BMPR1B: variants seen among roughly 807,000 people sequenced by gnomAD.
BMPR1B encodes the protein bone morphogenetic protein receptor type 1B.
BMPR1B carries 12 observed loss-of-function variants against 59.1 expected under a neutral mutation model. That is an observed-to-expected ratio of 0.20 (90% CI 0.13 to 0.33). The LOEUF (loss-of-function observed/expected upper bound fraction) is 0.33, where lower values mean the gene tolerates loss of function less well. BMPR1B is among the 10% of genes least tolerant of loss of function. BMPR1B has a pLI of 1.00. For synonymous variants in BMPR1B, 237 were observed against 207.3 expected (o/e 1.14, Z -1.23); for missense variants, 550 against 610.9 (o/e 0.90, Z 1.05).
chr4:94,763,181 A>G (rs1208012159), intron 1 of BMPR1B, among the ~76,000 whole-genome samples: 1 of 152,174 alleles, frequency 6.6e-6, no homozygotes, highest in African/African-American at 2.4e-5. Flanking sequence ...CATTTTCAGT[A>G]AAGTGTGTCA....
At chr4:95,023,292 T>C (rs1373331799) in intron 3 of BMPR1B, among the ~76,000 whole-genome samples, 1 of 152,236 alleles carries the variant, frequency 6.6e-6, no homozygotes, top group Non-Finnish European at 1.5e-5. Context: ...TAAATGTATA[T>C]GTTCTTTCCA....
intron 2 of BMPR1B, among the ~76,000 whole-genome samples, chr4:94,876,964 A>C (rs1484462930): frequency 6.6e-6 from 1 of 152,212 alleles, no homozygotes; most frequent in African/African-American, 2.4e-5. Flanking sequence ...CCATATTAAA[A>C]GATGGTAGCA....
intron 1 of BMPR1B, among the ~76,000 whole-genome samples, chr4:94,797,360 A>G (rs986295770): frequency 6.6e-6 from 1 of 152,224 alleles, no homozygotes; most frequent in Non-Finnish European, 1.5e-5. Flanking sequence ...AACTTAGTTC[A>G]AATAATTATT....
chr4:94,791,967 G>A (rs1291023894), intron 1 of BMPR1B, among the ~76,000 whole-genome samples: 4 of 151,960 alleles, frequency 2.6e-5, no homozygotes, highest in Non-Finnish European at 1.5e-5. Flanking sequence ...AGTGGCCTAA[G>A]TTTTTCATTA....
intron 3 of BMPR1B, among the ~76,000 whole-genome samples, chr4:95,061,210 C>A (rs867095375): frequency 4.5e-5 from 6 of 132,600 alleles, no homozygotes; most frequent in Middle Eastern, 3.9e-3. Flanking sequence ...CACACACACA[C>A]CACACACCCC....
At chr4:95,010,509 A>T (rs1413709195) in intron 3 of BMPR1B, among the ~76,000 whole-genome samples, 1 of 152,066 alleles carries the variant, frequency 6.6e-6, no homozygotes, top group Non-Finnish European at 1.5e-5. Context: ...TGCTCTCATT[A>T]GTTGTCCCAC....
At chr4:94,972,328 T>C (rs911131764) in intron 2 of BMPR1B, among the ~76,000 whole-genome samples, 4 of 152,028 alleles carry the variant, frequency 2.6e-5, no homozygotes, top group Non-Finnish European at 5.9e-5. Flanking sequence ...ATTATGACTT[T>C]TAAATAAATG....
chr4:94,759,626 C>T (rs961380088), intron 1 of BMPR1B, among the ~76,000 whole-genome samples: 2 of 152,118 alleles, frequency 1.3e-5, no homozygotes, highest in Admixed American at 6.5e-5. Flanking sequence ...ACTTTATACC[C>T]CTTTACACTC....
At chr4:94,806,444 A>G (rs1390497155) in intron 1 of BMPR1B, among the ~76,000 whole-genome samples, 1 of 152,210 alleles carries the variant, frequency 6.6e-6, no homozygotes, top group Non-Finnish European at 1.5e-5. Context: ...TTTTGAAGAT[A>G]GCTTTTTGAA....
intron 2 of BMPR1B, among the ~76,000 whole-genome samples, chr4:94,886,606 A>C (rs1727179034): frequency 6.6e-6 from 1 of 152,242 alleles, no homozygotes; most frequent in Non-Finnish European, 1.5e-5. Flanking sequence ...AGTTGGTAGT[A>C]CAGTAACCTC....
intron 3 of BMPR1B, among the ~76,000 whole-genome samples, chr4:95,009,845 T>G (rs948510630): frequency 1.3e-5 from 2 of 152,224 alleles, no homozygotes; most frequent in Admixed American, 6.5e-5. Flanking sequence ...CTCAGTGTAC[T>G]CATTTGTAAA....
In BMPR1B at chr4:94,811,888, T is replaced by C. The variant is rs183317852; in HGVS notation, c.-183+53820T>C. Among the ~76,000 whole-genome samples, 135 of 152,332 alleles carry C rather than the reference T, an allele frequency of 8.9e-4. 1 individual carries two copies. The highest frequency in any genetic ancestry group is 1.3e-3 in the Non-Finnish European group (91 of 68,030). ...TCCATATAAACATAATTTTAGCATA[T>C]TCTGCGATGTGGAAATTTATTTTTC... is the stretch of plus-strand genomic sequence containing the variant. On this transcript the variant is annotated intron_variant, in intron 1 of 12. Transcript: ENST00000515059.
intron 2 of BMPR1B, among the ~76,000 whole-genome samples, chr4:94,927,890 G>A (rs139541482): frequency 9.2e-5 from 14 of 152,188 alleles, no homozygotes; most frequent in African/African-American, 2.9e-4. Flanking sequence ...AGAGACCATT[G>A]CCTGGCACAT....
At chr4:94,797,222 G>GC (rs1474051209) in intron 1 of BMPR1B, among the ~76,000 whole-genome samples, 2 of 152,154 alleles carry the variant, frequency 1.3e-5, no homozygotes, top group East Asian at 3.9e-4. Flanking sequence ...GGAAAGACTG[G>GC]CCCCCATGAT....
intron 1 of BMPR1B, among the ~76,000 whole-genome samples, chr4:94,831,358 G>T (rs1438756921): frequency 6.6e-6 from 1 of 151,820 alleles, no homozygotes; most frequent in East Asian, 1.9e-4. Context: ...GTGTCAGAAA[G>T]TTACAAAATT....
At chr4:94,894,682 T>G (rs780738082) in intron 2 of BMPR1B, among the ~76,000 whole-genome samples, 2 of 151,660 alleles carry the variant, frequency 1.3e-5, no homozygotes, top group Non-Finnish European at 2.9e-5. Context: ...CTGAGATATC[T>G]TTTGATCATT....
intron 1 of BMPR1B, among the ~76,000 whole-genome samples, chr4:94,799,512 C>A (rs553280517): frequency 6.6e-6 from 1 of 151,968 alleles, no homozygotes; most frequent in African/African-American, 2.4e-5. Flanking sequence ...CCATGTTGGC[C>A]AGGATGGTCT....
chr4:95,049,023 A>G (rs140580858), intron 3 of BMPR1B, among the ~76,000 whole-genome samples: 10 of 152,316 alleles, frequency 6.6e-5, no homozygotes, highest in African/African-American at 2.2e-4. Context: ...AGTTTGACTA[A>G]GTGGAAACCT....
intron 2 of BMPR1B, among the ~76,000 whole-genome samples, chr4:94,958,488 T>G (rs1730238707): frequency 1.3e-5 from 2 of 152,168 alleles, no homozygotes; most frequent in African/African-American, 4.8e-5. Flanking sequence ...CCTTTGCTGC[T>G]TCCTTCTCAT....
Sources: gnomAD v4.1 joint callset for allele counts (sites outside exome capture counted in the v4.1 genomes callset) on GRCh38, gnomAD v4.1.1 for gene constraint, MANE v1.5 for transcripts, NCBI Gene and HGNC (gene_info 2026-07-23, HGNC 2026-07-21) for gene names.